ZMYM2: variants seen among roughly 807,000 people sequenced by gnomAD.
ZMYM2 encodes the protein zinc finger MYM-type containing 2.
Under a neutral mutation model 162.8 loss-of-function variants are expected in ZMYM2, and 56 were observed. That is an observed-to-expected ratio of 0.34 (90% CI 0.28 to 0.43). The LOEUF (loss-of-function observed/expected upper bound fraction) is 0.43. Ranked by LOEUF, ZMYM2 falls within the 20% of genes least tolerant of loss-of-function variation. The pLI is 1.00. For synonymous variants in ZMYM2, 510 were observed against 541.6 expected, an observed-to-expected ratio of 0.94 and a Z score of 0.81; for missense variants, 1,275 against 1,621.8, an observed-to-expected ratio of 0.79 and a Z score of 3.67.
At chr13:19,910,547 T>C in the ZMYM2 span, among the ~76,000 whole-genome samples, 1 of 151,516 alleles carries the variant, frequency 6.6e-6, no homozygotes, top group African/African-American at 2.4e-5. Context: ...TTTTTTTTTT[T>C]TGAGACAGTC....
chr13:20,034,990 C>G (rs943445363), intron 11 of ZMYM2, among the ~76,000 whole-genome samples: 4 of 152,186 alleles, frequency 2.6e-5, no homozygotes, highest in Non-Finnish European at 2.9e-5. Context: ...GAGATAGGAA[C>G]TAGGATTGTA....
intron 12 of ZMYM2, among the ~76,000 whole-genome samples, chr13:20,041,934 C>T (rs1251969147): frequency 1.3e-5 from 2 of 152,098 alleles, no homozygotes; most frequent in Non-Finnish European, 2.9e-5. Context: ...TGCTATTAGT[C>T]CGATGAGTTT....
At chr13:20,016,049 A>AC (rs1951598313) in intron 6 of ZMYM2, among the ~76,000 whole-genome samples, 1 of 150,164 alleles carries the variant, frequency 6.7e-6, no homozygotes, top group African/African-American at 2.4e-5. Context: ...CCATTTTTCT[A>AC]TTTTTTTTCG....
upstream of ZMYM2, among the ~76,000 whole-genome samples, chr13:19,955,251 A>G (rs1449974908): frequency 1.3e-5 from 2 of 152,112 alleles, no homozygotes; most frequent in South Asian, 2.1e-4. Flanking sequence ...CTAATATTTC[A>G]TTGAGTCAAG....
the ZMYM2 span, among the ~76,000 whole-genome samples, chr13:19,903,483 CAAA>C: frequency 0.054 from 4,508 of 83,888 alleles, 71 homozygotes; most frequent in African/African-American, 0.11. Flanking sequence ...ACTAAAAATA[CAAA>C]AAAAAAAAAA....
the ZMYM2 span, among the ~76,000 whole-genome samples, chr13:19,879,814 T>G: frequency 1.3e-5 from 2 of 152,332 alleles, no homozygotes; most frequent in African/African-American, 4.8e-5. Context: ...AAAACATTAT[T>G]TCCAGATGGG....
chr13:19,962,033 G>A (rs17074514), intron 2 of ZMYM2, among the ~76,000 whole-genome samples: 1 of 152,120 alleles, frequency 6.6e-6, no homozygotes, highest in African/African-American at 2.4e-5. Context: ...TTGTTGGGAG[G>A]AAGATATAAA....
At chr13:19,929,788 C>T in the ZMYM2 span, among the ~76,000 whole-genome samples, 1 of 152,144 alleles carries the variant, frequency 6.6e-6, no homozygotes, top group Non-Finnish European at 1.5e-5. Context: ...CTCTCCTATC[C>T]TCTGGAAGAC....
At position 20,007,620 on chromosome 13, in the gene ZMYM2, GT is replaced by G. The variant is rs71198950; in HGVS notation, c.1512+1052del. Among the ~76,000 whole-genome samples the G allele has an allele frequency of 1.1e-3, 148 of 135,026 alleles. 1 individual carries two copies. The highest frequency in any genetic ancestry group is 4.9e-3 in the South Asian group (21 of 4,290). 88.6% of individuals were successfully genotyped at this position (135,026 alleles called of 152,430 possible). On this transcript the variant is annotated intron_variant, in intron 6 of 24. Transcript: ENST00000610343. ...GTTATATGAACTTTCTCCCTCTTTA[GT>G]TTTTTTTTTTTTTTTTTAAAGACAA...
the ZMYM2 span, among the ~76,000 whole-genome samples, chr13:19,910,185 C>A: frequency 6.6e-6 from 1 of 152,078 alleles, no homozygotes; most frequent in Non-Finnish European, 1.5e-5. Flanking sequence ...CGAGATTGCG[C>A]CACTGCACTC....
At chr13:19,916,108 A>G in the ZMYM2 span, among the ~76,000 whole-genome samples, 3 of 151,600 alleles carry the variant, frequency 2.0e-5, no homozygotes, top group Non-Finnish European at 2.9e-5. Context: ...TGATGCGCCC[A>G]CCTCAGCCTC....
In ZMYM2 at chr13:20,007,157, C is replaced by T. The variant is rs375186767; in HGVS notation, c.1512+571C>T. On this transcript the variant is annotated intron_variant, in intron 6 of 24. Coordinates refer to ENST00000610343, the MANE Select transcript of ZMYM2 (RefSeq NM_197968.4). ...TGTTGTTATCATTTTTTTTTTGAGA[C>T]GGAGTTTTGCTCTTGTTTCCCAAGC... is the stretch of plus-strand genomic sequence containing the variant. Among the ~76,000 whole-genome samples, 34 of 151,352 alleles carry T rather than the reference C, an allele frequency of 2.2e-4. No individual in the cohort carries two copies. The East Asian group carries it at 2.7e-3, about 12-fold the overall frequency.
chr13:20,025,691 A>G (rs187378866), intron 7 of ZMYM2: 76 of 152,458 alleles, frequency 5.0e-4, no homozygotes, highest in South Asian at 3.9e-3. Context: ...TTGCTTAATG[A>G]CAAGAATACG....
chr13:20,023,969 CTG>C (rs1566324155), intron 7 of ZMYM2, among the ~76,000 whole-genome samples: 1 of 150,236 alleles, frequency 6.7e-6, no homozygotes, highest in Non-Finnish European at 1.5e-5. Flanking sequence ...CAGTCTCACT[CTG>C]TTGCCCAGGC....
the ZMYM2 span, among the ~76,000 whole-genome samples, chr13:19,897,485 G>A: frequency 6.6e-6 from 1 of 152,046 alleles, no homozygotes; most frequent in Non-Finnish European, 1.5e-5. Flanking sequence ...CCAGGAGCAG[G>A]CAGCAACAGG....
At chr13:19,974,893 C>T (rs1317941450) in intron 2 of ZMYM2, among the ~76,000 whole-genome samples, 1 of 152,082 alleles carries the variant, frequency 6.6e-6, no homozygotes, top group Non-Finnish European at 1.5e-5. Flanking sequence ...GAATAGGAGT[C>T]TTGCTGCATG....
chr13:19,876,348 A>C, the ZMYM2 span, among the ~76,000 whole-genome samples: 1 of 142,416 alleles, frequency 7.0e-6, no homozygotes, highest in South Asian at 2.2e-4. Context: ...TTTGAGATGG[A>C]GTCTCCCTCT....
intron 2 of ZMYM2, among the ~76,000 whole-genome samples, chr13:19,975,432 T>C (rs1956695745): frequency 6.6e-6 from 1 of 152,234 alleles, no homozygotes; most frequent in African/African-American, 2.4e-5. Flanking sequence ...TTTGTCCTTT[T>C]GTGTCTGGCC....
At chr13:19,891,050 G>T in the ZMYM2 span, among the ~76,000 whole-genome samples, 1 of 151,652 alleles carries the variant, frequency 6.6e-6, no homozygotes, top group Non-Finnish European at 1.5e-5. Flanking sequence ...TGCATTTATG[G>T]ATTGTATCTC....
Sources: allele counts gnomAD v4.1 joint callset (sites outside exome capture counted in the v4.1 genomes callset), GRCh38; gene constraint gnomAD v4.1.1; transcripts MANE v1.5; gene names NCBI Gene and HGNC (gene_info 2026-07-23, HGNC 2026-07-21).